Variants in CRTC3 observed in about 807,000 individuals in gnomAD.
The protein encoded by CRTC3 is CREB regulated transcription coactivator 3, also known as CREB-regulated transcription coactivator 3.
In CRTC3, 26 loss-of-function variants were observed where a neutral mutation model predicts 74.5. That is an observed-to-expected ratio of 0.35 (90% CI 0.26 to 0.48). The LOEUF is 0.48. Ranked by LOEUF, CRTC3 falls within the 20% of genes least tolerant of loss-of-function variation. CRTC3 has a pLI of 0.99. For missense variants in CRTC3, 760 were observed against 787.3 expected (o/e 0.97, Z 0.41); for synonymous variants, 377 against 325.8 (o/e 1.16, Z -1.69).
chr15:90,586,983 A>C (rs1168071548), intron 2 of CRTC3, among the ~76,000 whole-genome samples: 1 of 152,252 alleles, frequency 6.6e-6, no homozygotes. Flanking sequence ...GAATCTGCTT[A>C]TGGTTTACCA....
chr15:90,588,443 T>C (rs1967720192), intron 2 of CRTC3, among the ~76,000 whole-genome samples: 1 of 150,594 alleles, frequency 6.6e-6, no homozygotes, highest in Non-Finnish European at 1.5e-5. Context: ...CTCTCCTCTG[T>C]GTATCTTCTC....
At chr15:90,531,340 G>GT (rs1966623313) in intron 1 of CRTC3, among the ~76,000 whole-genome samples, 1 of 152,102 alleles carries the variant, frequency 6.6e-6, no homozygotes, top group South Asian at 2.1e-4. Flanking sequence ...CTGGAGCTGG[G>GT]TGATGATGAA....
At chr15:90,578,265 G>C (rs1967453274) in intron 2 of CRTC3, among the ~76,000 whole-genome samples, 1 of 152,138 alleles carries the variant, frequency 6.6e-6, no homozygotes, top group Admixed American at 6.5e-5. Context: ...GGTAAAGATG[G>C]GCTGGGCACA....
intron 2 of CRTC3, among the ~76,000 whole-genome samples, chr15:90,562,864 A>G (rs1967042814): frequency 6.6e-6 from 1 of 152,052 alleles, no homozygotes; most frequent in Non-Finnish European, 1.5e-5. Context: ...AGGAGCCAAA[A>G]GGTCAGAAAG....
At chr15:90,588,318 A>G (rs1361907067) in intron 2 of CRTC3, among the ~76,000 whole-genome samples, 1 of 151,762 alleles carries the variant, frequency 6.6e-6, no homozygotes, top group Non-Finnish European at 1.5e-5. Context: ...TCTCTCTGTC[A>G]TCACTACCAT....
At chr15:90,611,510 T>C (rs1176051676) in intron 6 of CRTC3, among the ~76,000 whole-genome samples, 1 of 152,154 alleles carries the variant, frequency 6.6e-6, no homozygotes, top group Non-Finnish European at 1.5e-5. Flanking sequence ...GTTTTTAATT[T>C]AGCAGTAAAA....
intron 10 of CRTC3, among the ~76,000 whole-genome samples, 157 bp from the exon 11 acceptor site, chr15:90,629,077 G>T (rs927369384): frequency 5.9e-5 from 9 of 152,096 alleles, no homozygotes; most frequent in African/African-American, 2.2e-4. Flanking sequence ...CCTTGCCATT[G>T]GTGCATCGGA....
chr15:90,570,387 AT>A (rs1444118734), intron 2 of CRTC3, among the ~76,000 whole-genome samples: 1 of 152,060 alleles, frequency 6.6e-6, no homozygotes, highest in Non-Finnish European at 1.5e-5. Flanking sequence ...CTTCTCTCAA[AT>A]TCTTGAGTTT....
chr15:90,614,321 C>A, intron 6 of CRTC3, 132 bp from the exon 7 acceptor site: 2 of 603,574 alleles, frequency 3.3e-6, no homozygotes, highest in Non-Finnish European at 5.8e-6. Flanking sequence ...AAATGAAAAT[C>A]AGTGTATCAA....
At chr15:90,604,210 G>C in intron 4 of CRTC3, 175 bp from the exon 5 acceptor site, 1 of 596,096 alleles carries the variant, frequency 1.7e-6, no homozygotes, top group Non-Finnish European at 3.1e-6. Flanking sequence ...GGATCATGGA[G>C]TCTTACCTCA....
In CRTC3 at chr15:90,598,796, G is replaced by A. The variant is rs1967995205; in HGVS notation, c.352-3528G>A. 7.3e-6 allele frequency: 3 copies of A among 408,742 alleles called. No homozygotes were observed. In the Admixed American group the frequency reaches 1.2e-4, roughly 16 times the overall value. 25.3% of individuals were successfully genotyped at this position (408,742 alleles called of 1,614,324 possible). ...TCGATTTATGAGTTACTGGACTGTG[G>A]GTGACAGTGGGGCCGAGGGAAGGAT... On this transcript the variant is annotated intron_variant, in intron 3 of 14. Coordinates refer to ENST00000268184, the MANE Select transcript of CRTC3 (RefSeq NM_022769.5).
rs377546701 is a variant in CRTC3 at position 90,641,138 on chromosome 15, T to C, written c.1590T>C (p.Ser530=). ...VQQGSRELQD[S]FHLRPSPYSN... is the part of the protein sequence containing the mutation. ...AAGGTTCCCGAGAACTGCAGGACTC[T>C]TTTCATTTGAGACCAAGCCCGTATT... The change falls in exon 14 of 15, where the codon TCT becomes TCC. Residue 530 remains serine (S), a synonymous_variant. Transcript: ENST00000268184. The C allele has an allele frequency of 2.6e-4, 415 of 1,614,064 alleles. 1 individual carries two copies. The highest frequency in any genetic ancestry group is 9.9e-4 in the Middle Eastern group (6 of 6,062).
intron 2 of CRTC3, 124 bp downstream of exon 2, chr15:90,540,261 A>G (rs969404369): frequency 1.4e-5 from 9 of 637,608 alleles, no homozygotes; most frequent in African/African-American, 9.2e-5. Context: ...CTTCTTTTGG[A>G]AAGTCCATTA....
At chr15:90,639,680 C>G (rs969671475) in intron 13 of CRTC3, among the ~76,000 whole-genome samples, 22 of 150,522 alleles carry the variant, frequency 1.5e-4, no homozygotes, top group Admixed American at 1.4e-3. Flanking sequence ...GAACTCCGGA[C>G]CTCAAGTGAT....
chr15:90,571,146 G>A (rs1967254810), intron 2 of CRTC3, among the ~76,000 whole-genome samples: 1 of 152,176 alleles, frequency 6.6e-6, no homozygotes, highest in South Asian at 2.1e-4. Flanking sequence ...GAGATACAAT[G>A]ACCCAGACAG....
intron 2 of CRTC3, among the ~76,000 whole-genome samples, chr15:90,591,532 G>A (rs1254615949): frequency 1.3e-5 from 2 of 152,192 alleles, no homozygotes; most frequent in African/African-American, 2.4e-5. Flanking sequence ...GCCCAGTTTG[G>A]CAGTAATTGT....
intron 2 of CRTC3, among the ~76,000 whole-genome samples, chr15:90,578,856 A>C (rs1336845532): frequency 6.6e-6 from 1 of 152,200 alleles, no homozygotes; most frequent in Non-Finnish European, 1.5e-5. Context: ...GTTATCTTTA[A>C]AAGTAATGAT....
intron 2 of CRTC3, 73 bp from the exon 3 acceptor site, chr15:90,593,563 G>C: frequency 6.4e-7 from 1 of 1,553,252 alleles, no homozygotes; most frequent in Non-Finnish European, 8.8e-7. Context: ...ATCTCCTGTT[G>C]TTATCAGTTG....
intron 4 of CRTC3, among the ~76,000 whole-genome samples, chr15:90,602,890 C>T (rs998023274): frequency 6.6e-6 from 1 of 151,998 alleles, no homozygotes; most frequent in African/African-American, 2.4e-5. Context: ...AGGAGAGTTG[C>T]TTGAACCAGA....
Sources: allele counts gnomAD v4.1 joint callset (sites outside exome capture counted in the v4.1 genomes callset), GRCh38; gene constraint gnomAD v4.1.1; transcripts MANE v1.5; gene names NCBI Gene and HGNC (gene_info 2026-07-23, HGNC 2026-07-21).